PACRG: variants seen among roughly 807,000 people sequenced by gnomAD.
PACRG encodes parkin coregulated.
PACRG carries 29 observed loss-of-function variants against 29.7 expected under a neutral mutation model. The ratio of observed to expected loss-of-function variants is 0.98; its 90% CI spans 0.73 to 1.33. The LOEUF is 1.33. PACRG is among the 40% of genes most tolerant of loss of function. The pLI is 0.00. For missense variants in PACRG, 279 were observed against 316.2 expected, an observed-to-expected ratio of 0.88 and a Z score of 0.89; for synonymous variants, 116 against 118.7, an observed-to-expected ratio of 0.98 and a Z score of 0.15.
chr6:163,183,046 A>G (rs191152068), intron 4 of PACRG: 1 of 152,274 alleles, frequency 6.6e-6, no homozygotes, highest in Non-Finnish European at 1.5e-5. Flanking sequence ...TCCAGGTTGC[A>G]TGAGCAACAA....
chr6:162,942,704 A>AT (rs1485429400), intron 2 of PACRG, among the ~76,000 whole-genome samples: 1 of 151,898 alleles, frequency 6.6e-6, no homozygotes, highest in African/African-American at 2.4e-5. Context: ...ACTCTGAATT[A>AT]TTTTTTTCTT....
chr6:163,286,363 A>G (rs1334054825), intron 4 of PACRG, among the ~76,000 whole-genome samples: 1 of 152,206 alleles, frequency 6.6e-6, no homozygotes, highest in Non-Finnish European at 1.5e-5. Flanking sequence ...TTTACTACCC[A>G]TAATAACACA....
intron 2 of PACRG, among the ~76,000 whole-genome samples, chr6:162,850,095 A>G (rs987256974): frequency 1.3e-5 from 2 of 152,348 alleles, no homozygotes; most frequent in African/African-American, 4.8e-5. Flanking sequence ...CCAACTTTCA[A>G]TGAGTTTTAT....
chr6:163,158,839 A>G (rs1778429644), intron 4 of PACRG, among the ~76,000 whole-genome samples: 1 of 152,076 alleles, frequency 6.6e-6, no homozygotes, highest in African/African-American at 2.4e-5. Flanking sequence ...CTCAAACTAA[A>G]CATGGCTTCT....
chr6:162,947,647 T>TATATATATATATATATAC (rs1799340390), intron 2 of PACRG, among the ~76,000 whole-genome samples: 2 of 56,628 alleles, frequency 3.5e-5, no homozygotes, highest in Admixed American at 2.5e-4. Context: ...TATATATATA[T>TATATATATATATATATAC]ACACCCAAAG....
chr6:162,937,279 T>C (rs1056292009), intron 2 of PACRG, among the ~76,000 whole-genome samples: 2 of 152,212 alleles, frequency 1.3e-5, no homozygotes, highest in Non-Finnish European at 2.9e-5. Flanking sequence ...TGAATTAACC[T>C]GATATATTTT....
chr6:163,278,877 G>A (rs575876315), intron 4 of PACRG, among the ~76,000 whole-genome samples: 7 of 152,046 alleles, frequency 4.6e-5, no homozygotes, highest in Non-Finnish European at 1.0e-4. Flanking sequence ...GAAGAATGAT[G>A]GTGGTATTTT....
rs67812561 is a variant in PACRG, at chr6:162,874,151, A to AAAAATAT, written c.291+59871_291+59872insAAATATA. Among the ~76,000 whole-genome samples the AAAAATAT allele has an allele frequency of 1.2e-3, 161 of 136,278 alleles. 1 individual carries two copies. Among genetic ancestry groups the AAAAATAT allele is most frequent in the African/African-American group, 2.9e-3 (107 of 36,512 alleles). The allele number at this position is 136,278 out of a possible 152,430, so 89.4% of individuals were successfully genotyped here. Reference sequence around the variant, plus strand: ...AACATGAGGGAGTTAAAAAAAAAAAAATATATATATATATATGTATATATA... The same window carrying AAAAATAT: ...AACATGAGGGAGTTAAAAAAAAAAAAAAAATATATATATATATATATATGTATATATA... On this transcript the variant is annotated intron_variant, in intron 2 of 4. Transcript: ENST00000366888.
At chr6:162,881,105 T>G (rs1298423681) in intron 2 of PACRG, among the ~76,000 whole-genome samples, 1 of 152,210 alleles carries the variant, frequency 6.6e-6, no homozygotes, top group African/African-American at 2.4e-5. Flanking sequence ...TGAATGAGCC[T>G]GTGTATGGAC....
chr6:162,799,178 A>T (rs918616153), intron 1 of PACRG, among the ~76,000 whole-genome samples: 3 of 152,222 alleles, frequency 2.0e-5, no homozygotes, highest in Non-Finnish European at 4.4e-5. Flanking sequence ...CAGCTTTCAC[A>T]AATGAAGATT....
intron 2 of PACRG, among the ~76,000 whole-genome samples, chr6:162,888,817 C>T (rs1057150512): frequency 1.3e-5 from 2 of 152,170 alleles, no homozygotes; most frequent in African/African-American, 2.4e-5. Context: ...GGACTCTTTT[C>T]TCTTAATTTT....
intron 4 of PACRG, among the ~76,000 whole-genome samples, chr6:163,268,892 T>C (rs1466817640): frequency 1.3e-5 from 2 of 152,228 alleles, no homozygotes; most frequent in African/African-American, 4.8e-5. Flanking sequence ...AACACCAAAA[T>C]GATGTGCTTC....
intron 4 of PACRG, among the ~76,000 whole-genome samples, chr6:163,091,361 T>C (rs894904414): frequency 6.6e-6 from 1 of 152,236 alleles, no homozygotes; most frequent in African/African-American, 2.4e-5. Flanking sequence ...GTTCATACAC[T>C]TAACAAAGAA....
At chr6:163,038,031 T>C (rs1808367114) in intron 2 of PACRG, among the ~76,000 whole-genome samples, 2 of 152,258 alleles carry the variant, frequency 1.3e-5, no homozygotes, top group African/African-American at 4.8e-5. Context: ...GTGTTCTAGA[T>C]GGTTTACATG....
intron 2 of PACRG, among the ~76,000 whole-genome samples, chr6:162,962,373 A>T (rs1170939417): frequency 6.6e-6 from 1 of 151,910 alleles, no homozygotes; most frequent in Admixed American, 6.6e-5. Context: ...AAAGTTGTTG[A>T]CTCCACTGTT....
At chr6:163,148,866 G>T (rs1184246384) in intron 4 of PACRG, among the ~76,000 whole-genome samples, 1 of 149,842 alleles carries the variant, frequency 6.7e-6, no homozygotes, top group African/African-American at 2.5e-5. Flanking sequence ...ACTTACACTT[G>T]GTACCAACCC....
At chr6:163,232,099 A>C (rs1782067543) in intron 4 of PACRG, among the ~76,000 whole-genome samples, 1 of 152,216 alleles carries the variant, frequency 6.6e-6, no homozygotes, top group Non-Finnish European at 1.5e-5. Flanking sequence ...TCTACCACCC[A>C]AGGCAGCTCT....
At chr6:162,944,108 G>A (rs1798829766) in intron 2 of PACRG, among the ~76,000 whole-genome samples, 2 of 152,162 alleles carry the variant, frequency 1.3e-5, no homozygotes, top group African/African-American at 4.8e-5. Context: ...CCACCACTGG[G>A]GCCTGTGGAC....
chr6:163,263,356 G>A (rs1783410555), intron 4 of PACRG, among the ~76,000 whole-genome samples: 1 of 152,054 alleles, frequency 6.6e-6, no homozygotes, highest in South Asian at 2.1e-4. Context: ...TCACAGACTT[G>A]GTACAGAAGT....
Sources: gnomAD v4.1 joint callset for allele counts (sites outside exome capture counted in the v4.1 genomes callset) on GRCh38, gnomAD v4.1.1 for gene constraint, MANE v1.5 for transcripts, NCBI Gene and HGNC (gene_info 2026-07-23, HGNC 2026-07-21) for gene names.